Variants in IFT80 observed in about 807,000 individuals in gnomAD.
IFT80 encodes intraflagellar transport 80.
IFT80 carries 79 observed loss-of-function variants against 107.9 expected under a neutral mutation model. That is an observed-to-expected ratio of 0.73 (90% CI 0.61 to 0.88). The LOEUF (loss-of-function observed/expected upper bound fraction) is 0.88, where lower values mean the gene tolerates loss of function less well. Among genes scored for constraint, IFT80 ranks in the 40% least tolerant of loss-of-function variants. The probability of loss-of-function intolerance (pLI) is 0.00; values close to 1 mark genes in which losing one functional copy is unlikely to be tolerated. For missense variants in IFT80, 797 were observed against 914.2 expected (o/e 0.87, Z 1.65); for synonymous variants, 299 against 300.9 (o/e 0.99, Z 0.07).
intron 9 of IFT80, among the ~76,000 whole-genome samples, chr3:160,316,783 G>A (rs926569746): frequency 1.3e-5 from 2 of 151,810 alleles, no homozygotes; most frequent in Non-Finnish European, 2.9e-5. Context: ...GGAATTACTA[G>A]GGAAAAAAAA....
At chr3:160,272,861 C>A (rs1188265350) in intron 18 of IFT80, among the ~76,000 whole-genome samples, 1 of 152,104 alleles carries the variant, frequency 6.6e-6, no homozygotes, top group Non-Finnish European at 1.5e-5. Flanking sequence ...TATACTTGTA[C>A]AAAAAAATCT....
At chr3:160,345,570 T>C (rs536629857) in intron 8 of IFT80, among the ~76,000 whole-genome samples, 1 of 151,882 alleles carries the variant, frequency 6.6e-6, no homozygotes, top group South Asian at 2.1e-4. Context: ...GGCAGGCAAC[T>C]GTAATCTCAG....
chr3:160,317,141 T>C (rs1302495760), intron 9 of IFT80, among the ~76,000 whole-genome samples: 1 of 152,130 alleles, frequency 6.6e-6, no homozygotes, highest in Admixed American at 6.6e-5. Flanking sequence ...TATTCCTCAT[T>C]ACTTAGCCCA....
rs561349455 is a variant in IFT80 at position 160,385,138 on chromosome 3, C to T, written c.-46-492G>A. On this transcript the variant is annotated intron_variant, in intron 1 of 19. Transcript: ENST00000326448. Reference sequence around the variant, plus strand: ...GGGCAGATACACTGCCCAACAGTTACGGTTACCACAGTGACAATGTGAAAA... The same window carrying T: ...GGGCAGATACACTGCCCAACAGTTATGGTTACCACAGTGACAATGTGAAAA... Among the ~76,000 whole-genome samples, 99 of 152,218 alleles carry T rather than the reference C, an allele frequency of 6.5e-4. 1 individual carries two copies. The highest frequency in any genetic ancestry group is 3.5e-3 in the South Asian group (17 of 4,830).
intron 18 of IFT80, among the ~76,000 whole-genome samples, chr3:160,272,834 T>C (rs758611189): frequency 6.6e-6 from 1 of 152,196 alleles, no homozygotes; most frequent in Non-Finnish European, 1.5e-5. Context: ...AATTGTTAGA[T>C]AGCTTAACCA....
At position 160,387,635 on chromosome 3, in the gene IFT80, T is replaced by C. The variant is rs368202257; in HGVS notation, c.-46-2989A>G. The stretch of plus-strand genomic sequence containing the variant: ...TGGGGTGATATCAAACATTCTGTTT[T>C]GGATATGTTAAGTGCAAGGTTTCTA... On this transcript the variant is annotated intron_variant, in intron 1 of 19. Coordinates refer to ENST00000326448, the MANE Select transcript of IFT80 (RefSeq NM_020800.3). Among the ~76,000 whole-genome samples, 6 of 152,186 alleles carry C rather than the reference T, an allele frequency of 3.9e-5. 1 individual carries two copies. The East Asian group carries it at 7.7e-4, about 20-fold the overall frequency.
At chr3:160,357,465 G>A in intron 7 of IFT80, 24 bp downstream of exon 7, 2 of 1,191,432 alleles carry the variant, frequency 1.7e-6, no homozygotes, top group Non-Finnish European at 2.5e-6. Context: ...TTTCAGCCAA[G>A]TGATAAATCT....
chr3:160,353,451 T>C (rs1052883540), intron 8 of IFT80, among the ~76,000 whole-genome samples: 21 of 152,222 alleles, frequency 1.4e-4, no homozygotes, highest in Admixed American at 6.5e-5. Context: ...CTGGATTCTG[T>C]TGCATGGCAA....
At chr3:160,327,109 A>G (rs1372865189) in intron 8 of IFT80, among the ~76,000 whole-genome samples, 1 of 152,196 alleles carries the variant, frequency 6.6e-6, no homozygotes, top group Non-Finnish European at 1.5e-5. Flanking sequence ...CTAGGAATAC[A>G]GCTAACAAGG....
At chr3:160,384,904 T>C (rs1410105527) in intron 1 of IFT80, among the ~76,000 whole-genome samples, 1 of 152,234 alleles carries the variant, frequency 6.6e-6, no homozygotes, top group East Asian at 1.9e-4. Context: ...TAGGTAAATC[T>C]GGTCAGGTAA....
At chr3:160,270,767 T>C (rs1442931279) in intron 18 of IFT80, among the ~76,000 whole-genome samples, 1 of 152,196 alleles carries the variant, frequency 6.6e-6, no homozygotes, top group African/African-American at 2.4e-5. Flanking sequence ...AAGGCTCTGA[T>C]TCCAGTTGTG....
At position 160,324,440 on chromosome 3, in the gene IFT80, T is replaced by C. The variant is rs200182066; in HGVS notation, c.778-4501A>G. On this transcript the variant is annotated intron_variant, in intron 8 of 19. Transcript: ENST00000326448. Reference sequence around the variant, plus strand: ...AAAAAGCTTATCCACCATGATCAAGTGGGCTTCATCTCTGGGATGCAAGGC... The same window carrying C: ...AAAAAGCTTATCCACCATGATCAAGCGGGCTTCATCTCTGGGATGCAAGGC... Among the ~76,000 whole-genome samples the C allele has an allele frequency of 5.8e-4, 89 of 152,150 alleles. No individual in the cohort carries two copies. In the East Asian group the frequency reaches 0.016, roughly 27 times the overall value.
chr3:160,357,317 A>C (rs1449386869), intron 7 of IFT80, among the ~76,000 whole-genome samples, 172 bp downstream of exon 7: 2 of 152,196 alleles, frequency 1.3e-5, no homozygotes, highest in African/African-American at 4.8e-5. Context: ...CTAATGAGAT[A>C]GTTTTTATGA....
At chr3:160,376,821 A>G (rs1180945354) in intron 4 of IFT80, among the ~76,000 whole-genome samples, 1 of 152,208 alleles carries the variant, frequency 6.6e-6, no homozygotes, top group Admixed American at 6.6e-5. Context: ...AAGCCAGAGA[A>G]CTAATGCCTC....
chr3:160,261,286 T>C (rs919170533), intron 19 of IFT80, among the ~76,000 whole-genome samples: 3 of 151,968 alleles, frequency 2.0e-5, no homozygotes, highest in African/African-American at 7.3e-5. Flanking sequence ...ACCTTCTCTG[T>C]ATGATTCAAT....
At chr3:160,270,959 G>T (rs776121694) in intron 18 of IFT80, among the ~76,000 whole-genome samples, 2 of 152,036 alleles carry the variant, frequency 1.3e-5, no homozygotes, top group Non-Finnish European at 2.9e-5. Flanking sequence ...CCAAAATTCC[G>T]AATGAGATAC....
At position 160,258,653 on chromosome 3, in the gene IFT80, A is replaced by G. The variant is rs1300785034; in HGVS notation, c.2224-18T>C. 6.2e-7 allele frequency: 1 copy of G among 1,608,862 alleles called. No homozygotes were observed. Among genetic ancestry groups the G allele is most frequent in the Admixed American group, 1.7e-5 (1 of 59,914 alleles). On this transcript the variant is annotated intron_variant, in intron 19 of 19. Transcript: ENST00000326448. ...ATTTGGAGCTGCAATAGAAAAAAAA[A>G]AGAAGAAATATGCTTAGATAGTGTA...
chr3:160,356,136 G>GT lies in IFT80; in HGVS notation c.653dup (p.Tyr218Ter). ...GTTGTGAATTGTACAGTGGGCGGCC[G>GT]TAACTATCCCATACCTACAAAAGCA... ...EDCKYKVWDS[Y>*]GRPLYNSQPH... Residue 218 changes from tyrosine to a stop codon, truncating the protein, a stop_gained and frameshift_variant, in exon 8 of 20, where the codon TAC (tyrosine) becomes TAAC (stop). Coordinates refer to ENST00000326448, the MANE Select transcript of IFT80 (RefSeq NM_020800.3). LOFTEE classifies it high-confidence loss of function. 1.2e-6 allele frequency: 2 copies of GT among 1,613,902 alleles called. No individual in the cohort carries two copies. Among genetic ancestry groups the GT allele is most frequent in the Non-Finnish European group, 1.7e-6 (2 of 1,179,878 alleles).
intron 8 of IFT80, among the ~76,000 whole-genome samples, chr3:160,345,799 CAG>C (rs1720251350): frequency 6.6e-6 from 1 of 150,710 alleles, no homozygotes; most frequent in Non-Finnish European, 1.5e-5. Flanking sequence ...ATTTAAAAAT[CAG>C]AAAGAATGAC....
Sources: gnomAD v4.1 joint callset for allele counts (sites outside exome capture counted in the v4.1 genomes callset) on GRCh38, gnomAD v4.1.1 for gene constraint, MANE v1.5 for transcripts, NCBI Gene and HGNC (gene_info 2026-07-23, HGNC 2026-07-21) for gene names.